Variants in NUP58 observed in about 807,000 individuals in gnomAD.
NUP58 encodes nucleoporin 58.
A neutral mutation model predicts 70.1 loss-of-function variants in NUP58; 17 were observed. That is an observed-to-expected ratio of 0.24 (90% CI 0.17 to 0.36). NUP58 has a LOEUF of 0.36. NUP58 is among the 10% of genes least tolerant of loss of function. NUP58 has a pLI of 1.00. For synonymous variants in NUP58, 275 were observed against 257.6 expected (o/e 1.07, Z -0.65); for missense variants, 644 against 701.5 (o/e 0.92, Z 0.93).
At chr13:25,325,454 T>G (rs1251714943) in intron 10 of NUP58, among the ~76,000 whole-genome samples, 1 of 152,212 alleles carries the variant, frequency 6.6e-6, no homozygotes, top group Non-Finnish European at 1.5e-5. Flanking sequence ...AACCAACCTG[T>G]AATCACATCA....
At chr13:25,311,061 A>T (rs531925996) in intron 3 of NUP58, among the ~76,000 whole-genome samples, 41 of 152,332 alleles carry the variant, frequency 2.7e-4, no homozygotes, top group Middle Eastern at 6.8e-3. Flanking sequence ...AGGCACCATG[A>T]AAGGCAGAGG....
chr13:25,314,272 A>G (rs2030822367), intron 5 of NUP58, among the ~76,000 whole-genome samples: 2 of 152,194 alleles, frequency 1.3e-5, no homozygotes, highest in African/African-American at 4.8e-5. Flanking sequence ...CTCTTTCTCA[A>G]TATTGACTAA....
intron 3 of NUP58, among the ~76,000 whole-genome samples, chr13:25,348,464 G>A (rs563951540): frequency 6.6e-6 from 1 of 152,060 alleles, no homozygotes; most frequent in South Asian, 2.1e-4. Flanking sequence ...TTTTGAGATA[G>A]GAGGGTCTTG....
chr13:25,321,138 G>GT (rs749532802), intron 9 of NUP58, 45 bp downstream of exon 9: 6 of 1,497,910 alleles, frequency 4.0e-6, no homozygotes, highest in African/African-American at 2.9e-5. Context: ...TTTTTGTTTT[G>GT]TTTTTTCCAA....
At chr13:25,309,052 T>C (rs2030522514) in intron 2 of NUP58, among the ~76,000 whole-genome samples, 195 bp from the exon 3 acceptor site, 1 of 152,248 alleles carries the variant, frequency 6.6e-6, no homozygotes, top group Admixed American at 6.5e-5. Context: ...AATCAAATTA[T>C]GTATGGCTTG....
At chr13:25,336,305 G>T in intron 13 of NUP58, 1 of 1,265,552 alleles carries the variant, frequency 7.9e-7, no homozygotes, top group South Asian at 1.2e-5. Context: ...CTGTGTAATT[G>T]ATTTGCTTTA....
intron 6 of NUP58, among the ~76,000 whole-genome samples, chr13:25,317,174 C>T (rs917696979): frequency 7.2e-5 from 11 of 152,048 alleles, no homozygotes; most frequent in African/African-American, 2.7e-4. Flanking sequence ...TCAAGTGAGA[C>T]TAGAGATGAG....
rs759923642 is a variant in NUP58 at position 25,301,800 on chromosome 13, C to T, written c.27C>T (p.Ser9=). 7.4e-6 allele frequency: 12 copies of T among 1,613,322 alleles called. No individual in the cohort carries two copies. Among genetic ancestry groups the T allele is most frequent in the East Asian group, 2.2e-5 (1 of 44,854 alleles). The change falls in exon 1 of 16, where the codon TCC becomes TCT. Residue 9 remains serine (S), a synonymous_variant. Coordinates refer to ENST00000381736, the MANE Select transcript of NUP58 (RefSeq NM_014089.4). The part of the protein sequence containing the change: MSTGFSFG[S]GTLGSTTVAA... Reference sequence around the variant, plus strand: ...TGTCCACAGGGTTCTCCTTCGGGTCCGGGACTCTGGGCTCCACCACCGTGG... The same window carrying T: ...TGTCCACAGGGTTCTCCTTCGGGTCTGGGACTCTGGGCTCCACCACCGTGG...
In NUP58 at chr13:25,310,206, A is replaced by ATT. The variant is rs796547133; in HGVS notation, c.286+953_286+954dup. Among the ~76,000 whole-genome samples, 55 of 47,498 alleles carry ATT rather than the reference A, an allele frequency of 1.2e-3. 4 individuals carry two copies. Among genetic ancestry groups the ATT allele is most frequent in the East Asian group, 6.2e-3 (10 of 1,606 alleles). 31.2% of individuals were successfully genotyped at this position (47,498 alleles called of 152,430 possible). A position where few individuals can be genotyped will look rare whatever the true frequency, so the allele number is the denominator to read the frequency against. Reference sequence around the variant, plus strand: ...AGGCACATACCACAACCCTTGGCTAATTTTTTTTTTTTTTTTTTTTTTTTT... The same window carrying ATT: ...AGGCACATACCACAACCCTTGGCTAATTTTTTTTTTTTTTTTTTTTTTTTTTT... On this transcript the variant is annotated intron_variant, in intron 3 of 15. Transcript: ENST00000381736.
At chr13:25,338,075 T>TA (rs2031846156) in intron 14 of NUP58, among the ~76,000 whole-genome samples, 1 of 152,142 alleles carries the variant, frequency 6.6e-6, no homozygotes, top group Non-Finnish European at 1.5e-5. Context: ...TTTTCACTGT[T>TA]AAACTGGCTG....
intron 1 of NUP58, among the ~76,000 whole-genome samples, chr13:25,303,804 C>T (rs1593170993): frequency 6.6e-6 from 1 of 152,216 alleles, no homozygotes; most frequent in East Asian, 1.9e-4. Flanking sequence ...TAATTTCCCA[C>T]CTCATTGTCA....
At chr13:25,323,793 A>G (rs2031284624) in intron 9 of NUP58, among the ~76,000 whole-genome samples, 1 of 152,174 alleles carries the variant, frequency 6.6e-6, no homozygotes, top group African/African-American at 2.4e-5. Context: ...TACTGAGTTC[A>G]GCTCTCCAGT....
At chr13:25,315,491 A>T in intron 6 of NUP58, 24 bp downstream of exon 6, 1 of 1,511,298 alleles carries the variant, frequency 6.6e-7, no homozygotes, top group Non-Finnish European at 9.2e-7. Context: ...TTGTAACTTT[A>T]TGTTTTAACA....
Position 25,320,578 on chromosome 13 carries a change from G to A in NUP58, c.759G>A (p.Gln253=). The A allele has an allele frequency of 6.2e-7, 1 of 1,609,350 alleles. No individual in the cohort carries two copies. Among genetic ancestry groups the A allele is most frequent in the Middle Eastern group, 1.7e-4 (1 of 6,036 alleles). Residue 253 remains glutamine (Q), a synonymous_variant, in exon 8 of 16, where the codon CAG becomes CAA. Coordinates refer to ENST00000381736, the MANE Select transcript of NUP58 (RefSeq NM_014089.4). The stretch of plus-strand genomic sequence containing the variant: ...AAAATCTACCTCCTGTCATCTGCCA[G>A]GATGTTGAAAATCTCCAGTAAGTGT... The part of the protein sequence containing the change: ...KDENLPPVIC[Q]DVENLQKFVK...
rs1435004143 is a variant in NUP58, at chr13:25,312,933, A to G, written c.337A>G (p.Asn113Asp). ...TACAACAGGCTTCAGTTTAGGATTCAATAAACCTGCAGCATCTGCCACACC... is the reference window on the plus strand; with the variant it reads ...TACAACAGGCTTCAGTTTAGGATTCGATAAACCTGCAGCATCTGCCACACC... Reference protein sequence around the residue: ...AATTGFSLGFNKPAASATPFA... With the variant: ...AATTGFSLGFDKPAASATPFA... Residue 113 changes from asparagine to aspartate, a missense_variant, in exon 4 of 16, where the codon AAT becomes GAT. Transcript: ENST00000381736. 6.2e-7 allele frequency: 1 copy of G among 1,614,102 alleles called. No homozygotes were observed. Among genetic ancestry groups the G allele is most frequent in the South Asian group, 1.1e-5 (1 of 91,062 alleles).
Position 25,334,996 on chromosome 13 carries a change from A to G in NUP58, c.1436-1940A>G, listed in dbSNP as rs1184706799. On this transcript the variant is annotated intron_variant, in intron 13 of 15. Transcript: ENST00000381736. Reference sequence around the variant, plus strand: ...TACGTAACTTTTGCCTGAAGGATTTAGACTGCTTTCTAATAGTGAAACTAA... The same window carrying G: ...TACGTAACTTTTGCCTGAAGGATTTGGACTGCTTTCTAATAGTGAAACTAA... 5 of 985,188 alleles carry G rather than the reference A, an allele frequency of 5.1e-6. No homozygotes were observed. The Admixed American group carries it at 2.5e-4, about 48-fold the overall frequency. 61.0% of individuals were successfully genotyped at this position (985,188 alleles called of 1,614,324 possible). A position where few individuals can be genotyped will look rare whatever the true frequency, so the allele number is the denominator to read the frequency against.
chr13:25,333,216 A>G, intron 13 of NUP58: 1 of 985,390 alleles, frequency 1.0e-6, no homozygotes, highest in Non-Finnish European at 1.2e-6. Context: ...GCTTGTGGAC[A>G]TATGGAGATG....
Position 25,336,976 on chromosome 13 carries a change from C to T in NUP58, c.1476C>T (p.Phe492=), listed in dbSNP as rs1420457785. 5 of 1,604,666 alleles carry T rather than the reference C, an allele frequency of 3.1e-6. No individual in the cohort carries two copies. Among genetic ancestry groups the T allele is most frequent in the Non-Finnish European group, 4.2e-6 (5 of 1,177,334 alleles). ...PSLGVSFGTP[F]GSGIGTGLQS... The stretch of plus-strand genomic sequence containing the variant: ...TGGGAGTTAGTTTTGGAACGCCATT[C>T]GGCTCAGGTATTGGCACTGGCTTGC... The change falls in exon 14 of 16, where the codon TTC becomes TTT. Residue 492 remains phenylalanine, a synonymous_variant. Transcript: ENST00000381736.
chr13:25,316,961 T>C (rs1193746493), intron 6 of NUP58, among the ~76,000 whole-genome samples: 1 of 152,154 alleles, frequency 6.6e-6, no homozygotes, highest in Non-Finnish European at 1.5e-5. Flanking sequence ...ATAACTTGGG[T>C]GTGTTTCTAC....
Sources: allele counts gnomAD v4.1 joint callset (sites outside exome capture counted in the v4.1 genomes callset), GRCh38; gene constraint gnomAD v4.1.1; transcripts MANE v1.5; gene names NCBI Gene and HGNC (gene_info 2026-07-23, HGNC 2026-07-21).